The following PHKA2 variants were observed in gnomAD, a reference collection of about 807,000 sequenced individuals.
The protein encoded by PHKA2 is phosphorylase kinase regulatory subunit alpha 2.
Under a neutral mutation model 102.0 loss-of-function variants are expected in PHKA2, and 31 were observed. The observed-to-expected ratio is 0.30, with a 90% CI of 0.23 to 0.41. The LOEUF (loss-of-function observed/expected upper bound fraction) is 0.41, where lower values mean the gene tolerates loss of function less well. Ranked by LOEUF, PHKA2 falls within the 10% of genes least tolerant of loss-of-function variation. The pLI is 1.00. For synonymous variants in PHKA2, 455 were observed against 416.2 expected, an observed-to-expected ratio of 1.09 and a Z score of -1.13; for missense variants, 858 against 1,023.1, an observed-to-expected ratio of 0.84 and a Z score of 2.20.
rs142123423 is a variant in PHKA2 at position 18,897,201 on chromosome X, C to T, written c.3244G>A (p.Val1082Met). The T allele has an allele frequency of 4.9e-4, 589 of 1,209,734 alleles. No individual in the cohort carries two copies. The highest frequency in any genetic ancestry group is 6.2e-4 in the Non-Finnish European group (553 of 895,065). ...TTCCACACCCTCTGGTAGAATCCCA[C>T]GGGGACCCTGTTGATGGCCCCATCC... is the stretch of plus-strand genomic sequence containing the variant. Reference protein sequence around the residue: ...RLDGAINRVPVGFYQRVWKIL... With the variant: ...RLDGAINRVPMGFYQRVWKIL... Residue 1082 changes from valine (V) to methionine (M), a missense_variant, in exon 30 of 33, where the codon GTG (valine) becomes ATG (methionine). By Grantham distance (21) the Val-to-Met change is conservative. Transcript: ENST00000379942.
rs1296491621 is a variant in PHKA2, at chrX:18,906,501, A to G, written c.2800T>C (p.Cys934Arg). 2.1e-5 allele frequency: 26 copies of G among 1,210,896 alleles called. No individual in the cohort carries two copies. Among genetic ancestry groups the G allele is most frequent in the East Asian group, 3.0e-5 (1 of 33,792 alleles). Residue 934 changes from cysteine (C) to arginine (R), a missense_variant, in exon 25 of 33, where the codon TGC (cysteine) becomes CGC (arginine). Transcript: ENST00000379942. ...GGAGCTGCGGGCATCTCACCTGAGC[A>G]GTTCAGGCTCCGTGCCAGCTCCGTG... ...MATELARSLN[C>R]SGEEASESLM...
At chrX:18,916,607 ACTCT>A (rs1043370279) in intron 19 of PHKA2, among the ~76,000 whole-genome samples, 16 of 111,306 alleles carry the variant, frequency 1.4e-4, no homozygotes, top group African/African-American at 5.2e-4. Context: ...GTGAGCTCTC[ACTCT>A]GAGTTCACAA....
chrX:18,897,463 G>GTTCCTCCAGTCCACCTTGTCTGT (rs1229295355), intron 29 of PHKA2, 130 bp from the exon 30 acceptor site: 13 of 559,037 alleles, frequency 2.3e-5, no homozygotes, highest in Non-Finnish European at 3.4e-5. Context: ...GAGGAACACG[G>GTTCCTCCAGTCCACCTTGTCTGT]TTCCTCCAGT....
Position 18,894,332 on chromosome X carries a change from G to A in PHKA2, c.3409C>T (p.Arg1137Trp). 6 of 1,211,272 alleles carry A rather than the reference G, an allele frequency of 5.0e-6. No individual in the cohort carries two copies. Among genetic ancestry groups the A allele is most frequent in the Non-Finnish European group, 6.7e-6 (6 of 895,070 alleles). Residue 1137 changes from arginine to tryptophan, a missense_variant, in exon 32 of 33, where the codon CGG becomes TGG. Transcript: ENST00000379942. ...VLNRVPQPEY[R>W]QLLVEAIMVL... ...ATGATGGCTTCCACCAGCAGCTGCC[G>A]GTACTCGGGCTGCGGCACGCGGTTC...
intron 17 of PHKA2, among the ~76,000 whole-genome samples, chrX:18,923,267 C>T (rs1038346416): frequency 1.8e-5 from 2 of 110,741 alleles, no homozygotes; most frequent in African/African-American, 6.6e-5. Flanking sequence ...TCTCAAACTT[C>T]TGACCTCAGG....
At chrX:18,979,310 C>A (rs1336947102) in intron 1 of PHKA2, among the ~76,000 whole-genome samples, 1 of 111,364 alleles carries the variant, frequency 9.0e-6, no homozygotes, top group African/African-American at 3.3e-5. Flanking sequence ...TTATTCCATT[C>A]TTCTCATTTT....
At chrX:18,948,971 GGCATA>G (rs2048632377) in intron 4 of PHKA2, 145 bp from the exon 5 acceptor site, 1 of 441,002 alleles carries the variant, frequency 2.3e-6, no homozygotes, top group African/African-American at 2.4e-5. Context: ...TCTTAAGTAA[GGCATA>G]ACAGTGAGTG....
intron 13 of PHKA2, among the ~76,000 whole-genome samples, chrX:18,927,084 A>C (rs1324924962): frequency 8.9e-6 from 1 of 111,737 alleles, no homozygotes; most frequent in African/African-American, 3.3e-5. Flanking sequence ...TTCCCTCTAG[A>C]GAAAGCAAAG....
At chrX:18,976,697 A>G (rs2049094956) in intron 1 of PHKA2, among the ~76,000 whole-genome samples, 1 of 111,762 alleles carries the variant, frequency 8.9e-6, no homozygotes, top group Non-Finnish European at 1.9e-5. Context: ...AACACAGTTT[A>G]TATATGGTTG....
In PHKA2 at chrX:18,905,654, C is replaced by G; in HGVS notation, c.2908+104G>C. 6 of 594,885 alleles carry G rather than the reference C, an allele frequency of 1.0e-5. No individual in the cohort carries two copies. The South Asian group carries it at 1.3e-4, about 13-fold the overall frequency. 49.0% of individuals were successfully genotyped at this position (594,885 alleles called of 1,213,427 possible). ...TCTGTCCATCTCCTTCAGGTAGGAG[C>G]CTTCTCTTCCCACATTCGCTATGCC... On this transcript the variant is annotated intron_variant, in intron 26 of 32. Coordinates refer to ENST00000379942, the MANE Select transcript of PHKA2 (RefSeq NM_000292.3).
chrX:18,948,892 A>G, intron 4 of PHKA2, 66 bp from the exon 5 acceptor site: 1 of 712,802 alleles, frequency 1.4e-6, no homozygotes, highest in Non-Finnish European at 2.2e-6. Flanking sequence ...CAAATTACAA[A>G]TATCACACTA....
intron 15 of PHKA2, among the ~76,000 whole-genome samples, chrX:18,925,234 A>T (rs2048190921): frequency 8.9e-6 from 1 of 112,207 alleles, no homozygotes; most frequent in Non-Finnish European, 1.9e-5. Context: ...CTTCCACAGG[A>T]CTAGTTTTCT....
chrX:18,928,757 G>A (rs1258529482), intron 13 of PHKA2, among the ~76,000 whole-genome samples: 14 of 112,682 alleles, frequency 1.2e-4, no homozygotes, highest in South Asian at 3.7e-4. Flanking sequence ...TTGGCTAGGC[G>A]GAGGGCAGCA....
chrX:18,914,124 C>T (rs1007508883), intron 19 of PHKA2, among the ~76,000 whole-genome samples: 2 of 112,382 alleles, frequency 1.8e-5, no homozygotes, highest in Admixed American at 1.9e-4. Context: ...ATACTGGCAT[C>T]GCCACAAACA....
At chrX:18,903,830 G>C (rs1424617646) in intron 26 of PHKA2, among the ~76,000 whole-genome samples, 1 of 112,092 alleles carries the variant, frequency 8.9e-6, no homozygotes, top group East Asian at 2.8e-4. Context: ...TAAAAGGCAA[G>C]TGTGATCGTA....
chrX:18,956,329 C>T (rs1469708531), intron 1 of PHKA2, among the ~76,000 whole-genome samples: 2 of 111,189 alleles, frequency 1.8e-5, no homozygotes, highest in Non-Finnish European at 3.8e-5. Context: ...GTCTCAAAAA[C>T]AACAACAACG....
intron 19 of PHKA2, among the ~76,000 whole-genome samples, chrX:18,911,216 C>T (rs1410657856): frequency 9.7e-6 from 1 of 103,337 alleles, no homozygotes; most frequent in African/African-American, 3.6e-5. Context: ...TCTTGTTGCT[C>T]AGGTTGGAGT....
chrX:18,979,067 T>C (rs535068359), intron 1 of PHKA2, among the ~76,000 whole-genome samples: 2 of 110,814 alleles, frequency 1.8e-5, no homozygotes, highest in South Asian at 3.8e-4. Flanking sequence ...ACCCAGGAGG[T>C]GGAGGCTGCA....
At chrX:18,901,717 C>A in intron 26 of PHKA2, 114 bp from the exon 27 acceptor site, 2 of 548,472 alleles carry the variant, frequency 3.6e-6, no homozygotes, top group Non-Finnish European at 6.5e-6. Context: ...GCCTGGCCAG[C>A]GCTGTGTCTC....
Sources: allele counts gnomAD v4.1 joint callset (sites outside exome capture counted in the v4.1 genomes callset), GRCh38; gene constraint gnomAD v4.1.1; transcripts MANE v1.5; gene names NCBI Gene and HGNC (gene_info 2026-07-23, HGNC 2026-07-21).